The following HECW1 variants were observed in gnomAD, a reference collection of about 807,000 sequenced individuals.
HECW1 encodes HECT, C2 and WW domain containing E3 ubiquitin protein ligase 1, also known as E3 ubiquitin-protein ligase HECW1.
In HECW1, 61 loss-of-function variants were observed where a neutral mutation model predicts 182.3. That is an observed-to-expected ratio of 0.33 (90% CI 0.27 to 0.41). HECW1 has a LOEUF of 0.41. HECW1 is among the 10% of genes least tolerant of loss of function. The pLI, the probability that HECW1 is intolerant of heterozygous loss-of-function variation, is 1.00. For missense variants in HECW1, 1,739 were observed against 2,108.9 expected (o/e 0.82, Z 3.44); for synonymous variants, 859 against 832.6 (o/e 1.03, Z -0.55).
intron 5 of HECW1, among the ~76,000 whole-genome samples, chr7:43,334,379 C>T (rs1811863507): frequency 6.6e-6 from 1 of 152,216 alleles, no homozygotes; most frequent in South Asian, 2.1e-4. Context: ...TACAAAACCT[C>T]TCCCAAAATG....
intron 3 of HECW1, among the ~76,000 whole-genome samples, chr7:43,252,389 A>G (rs1320510315): frequency 6.6e-6 from 1 of 152,194 alleles, no homozygotes; most frequent in African/African-American, 2.4e-5. Flanking sequence ...ACTTACACCC[A>G]AGAACTGGCA....
At chr7:43,511,255 A>G (rs1468294840) in intron 24 of HECW1, 1 of 152,180 alleles carries the variant, frequency 6.6e-6, no homozygotes, top group East Asian at 1.9e-4. Context: ...TGTGGAGAGT[A>G]TTTGTGGTGC....
intron 2 of HECW1, among the ~76,000 whole-genome samples, chr7:43,190,085 T>TG (rs11436937): frequency 0.23 from 35,354 of 151,664 alleles, 4,364 homozygotes; most frequent in Middle Eastern, 0.26. Context: ...CTGTGGAAAT[T>TG]TTTGTTGTTG....
At chr7:43,335,825 CCT>C (rs1812072843) in intron 5 of HECW1, among the ~76,000 whole-genome samples, 2 of 139,668 alleles carry the variant, frequency 1.4e-5, no homozygotes, top group South Asian at 2.3e-4. Flanking sequence ...CTTCATTTTT[CCT>C]CTTTCTCCCT....
intron 2 of HECW1, among the ~76,000 whole-genome samples, chr7:43,182,648 G>A (rs1792979884): frequency 6.6e-6 from 1 of 152,016 alleles, no homozygotes; most frequent in Non-Finnish European, 1.5e-5. Flanking sequence ...GCCTTTTGTG[G>A]TTTCATACAA....
intron 7 of HECW1, among the ~76,000 whole-genome samples, chr7:43,399,084 A>G (rs1301654496): frequency 3.3e-5 from 5 of 152,252 alleles, no homozygotes; most frequent in African/African-American, 1.2e-4. Flanking sequence ...TGCAGCCTCC[A>G]GCTATATGAC....
At chr7:43,348,829 T>G (rs1392123016) in intron 5 of HECW1, among the ~76,000 whole-genome samples, 1 of 152,200 alleles carries the variant, frequency 6.6e-6, no homozygotes, top group Non-Finnish European at 1.5e-5. Flanking sequence ...TAAAGGTTCC[T>G]TTTGGAGTTG....
At position 43,456,446 on chromosome 7, in the gene HECW1, C is replaced by CGGTT; in HGVS notation, c.2651+3_2651+6dup. On this transcript the variant is annotated frameshift_variant and splice_region_variant, in exon 13 of 30. Transcript: ENST00000395891. LOFTEE classifies it high-confidence loss of function. ...CCAGCAGATGGAGCAACTCAACAGG[C>CGGTT]GGTTGGTGATCAGTATGCAATGAGC... The CGGTT allele has an allele frequency of 1.2e-6, 2 of 1,613,128 alleles. No individual in the cohort carries two copies. Among genetic ancestry groups the CGGTT allele is most frequent in the Non-Finnish European group, 1.7e-6 (2 of 1,179,444 alleles).
At chr7:43,336,089 CTCTTTCTTTCTTTCTTCTT>C (rs1812152929) in intron 5 of HECW1, among the ~76,000 whole-genome samples, 1 of 141,496 alleles carries the variant, frequency 7.1e-6, no homozygotes, top group African/African-American at 2.7e-5. Context: ...TTCTTTCTTT[CTCTTTCTTTCTTTCTTCTT>C]TCTTTCTTTC....
At chr7:43,486,349 C>T (rs112861434) in intron 17 of HECW1, among the ~76,000 whole-genome samples, 24,302 of 151,592 alleles carry the variant, frequency 0.16, 2,492 homozygotes, top group South Asian at 0.23. Flanking sequence ...TGCAATGGCA[C>T]GGAGTGCAAT....
At chr7:43,158,604 T>C (rs1203300228) in intron 2 of HECW1, among the ~76,000 whole-genome samples, 1 of 152,160 alleles carries the variant, frequency 6.6e-6, no homozygotes, top group East Asian at 1.9e-4. Context: ...CATGTGGATA[T>C]TCTCCTGCAC....
chr7:43,526,960 A>G (rs1392705812), intron 24 of HECW1, among the ~76,000 whole-genome samples: 1 of 152,192 alleles, frequency 6.6e-6, no homozygotes, highest in Admixed American at 6.5e-5. Flanking sequence ...GCATCACTGC[A>G]TTCAGCCTGG....
At chr7:43,499,291 A>G (rs2079239907) in intron 19 of HECW1, among the ~76,000 whole-genome samples, 1 of 152,108 alleles carries the variant, frequency 6.6e-6, no homozygotes, top group Non-Finnish European at 1.5e-5. Flanking sequence ...TCAAAAAAAT[A>G]AAAAATTTTT....
chr7:43,303,891 A>G (rs1243894091), intron 3 of HECW1, among the ~76,000 whole-genome samples: 2 of 152,072 alleles, frequency 1.3e-5, no homozygotes, highest in Non-Finnish European at 2.9e-5. Flanking sequence ...AGAGGTACAA[A>G]TGGGTAAGCA....
chr7:43,126,344 A>G (rs1786245335), intron 2 of HECW1, among the ~76,000 whole-genome samples: 1 of 152,162 alleles, frequency 6.6e-6, no homozygotes, highest in South Asian at 2.1e-4. Context: ...ACACATATAT[A>G]TCATTGTCTA....
chr7:43,330,903 C>T (rs989096736), intron 5 of HECW1, among the ~76,000 whole-genome samples: 6 of 152,094 alleles, frequency 3.9e-5, no homozygotes, highest in African/African-American at 1.2e-4. Flanking sequence ...TGTGGGATGG[C>T]TGGCAATGAC....
At chr7:43,219,358 C>A (rs760474880) in intron 2 of HECW1, among the ~76,000 whole-genome samples, 1 of 152,096 alleles carries the variant, frequency 6.6e-6, no homozygotes, top group Admixed American at 6.5e-5. Flanking sequence ...TCCAAGGACC[C>A]CTTTTCCTCT....
intron 2 of HECW1, among the ~76,000 whole-genome samples, chr7:43,127,273 C>A (rs1360394653): frequency 6.6e-6 from 1 of 152,078 alleles, no homozygotes; most frequent in South Asian, 2.1e-4. Context: ...CCTGTAATCC[C>A]AGCACTTTGG....
At chr7:43,493,556 G>A (rs1236027113) in intron 19 of HECW1, among the ~76,000 whole-genome samples, 1 of 152,124 alleles carries the variant, frequency 6.6e-6, no homozygotes, top group Non-Finnish European at 1.5e-5. Flanking sequence ...GAGCAGCCGT[G>A]TTCGAAAATA....
Sources: allele counts gnomAD v4.1 joint callset (sites outside exome capture counted in the v4.1 genomes callset), GRCh38; gene constraint gnomAD v4.1.1; transcripts MANE v1.5; gene names NCBI Gene and HGNC (gene_info 2026-07-23, HGNC 2026-07-21).